KCNN2: variants seen among roughly 807,000 people sequenced by gnomAD.
The protein encoded by KCNN2 is potassium calcium-activated channel subfamily N member 2, also known as small conductance calcium-activated potassium channel protein 2.
Under a neutral mutation model 55.5 loss-of-function variants are expected in KCNN2, and 24 were observed. The ratio of observed to expected loss-of-function variants is 0.43; its 90% CI spans 0.31 to 0.61. The LOEUF is 0.61. KCNN2 is among the 20% of genes least tolerant of loss of function. The probability of loss-of-function intolerance (pLI) is 0.08; values close to 1 mark genes in which losing one functional copy is unlikely to be tolerated. For missense variants in KCNN2, 754 were observed against 853.6 expected (o/e 0.88, Z 1.45); for synonymous variants, 431 against 336.1 (o/e 1.28, Z -3.09).
intron 3 of KCNN2, among the ~76,000 whole-genome samples, chr5:114,413,501 T>C (rs1320712158): frequency 1.3e-5 from 2 of 152,190 alleles, no homozygotes; most frequent in African/African-American, 2.4e-5. Flanking sequence ...TTGGCCAGGC[T>C]GGTCTTGAAT....
intron 1 of KCNN2, among the ~76,000 whole-genome samples, chr5:114,070,311 C>T (rs1580482229): frequency 6.6e-6 from 1 of 152,350 alleles, no homozygotes; most frequent in South Asian, 2.1e-4. Context: ...CCTGCTGCTC[C>T]CCAGCATTCT....
rs562137620 is a variant in KCNN2 at position 114,233,910 on chromosome 5, T to C, written c.-185+12345T>C. On this transcript the variant is annotated intron_variant, in intron 2 of 10. Coordinates refer to the KCNN2 transcript ENST00000512097. The stretch of plus-strand genomic sequence containing the variant: ...ATTATTTTAGTTTTGTCCCATTCTT[T>C]TGAGTTCTGAGATGACACTTGAGCT... Among the ~76,000 whole-genome samples, 5 of 152,322 alleles carry C rather than the reference T, an allele frequency of 3.3e-5. 1 individual carries two copies. The highest frequency in any genetic ancestry group is 1.2e-4 in the African/African-American group (5 of 41,588).
chr5:114,400,655 C>G (rs1758759286), intron 2 of KCNN2, among the ~76,000 whole-genome samples: 1 of 152,190 alleles, frequency 6.6e-6, no homozygotes, highest in South Asian at 2.1e-4. Context: ...CATGCTGCCC[C>G]TTGATCATTA....
At chr5:114,180,221 T>C (rs1002642227) in intron 1 of KCNN2, among the ~76,000 whole-genome samples, 2 of 152,174 alleles carry the variant, frequency 1.3e-5, no homozygotes, top group African/African-American at 4.8e-5. Context: ...TTTTTTTTTC[T>C]TTGAATCTCA....
intron 1 of KCNN2, among the ~76,000 whole-genome samples, chr5:114,199,447 TC>T (rs1184444001): frequency 6.6e-6 from 1 of 152,150 alleles, no homozygotes; most frequent in African/African-American, 2.4e-5. Context: ...GAGGCTTTGT[TC>T]CTGTCATATT....
intron 2 of KCNN2, among the ~76,000 whole-genome samples, chr5:114,323,929 C>T (rs1352645048): frequency 6.6e-6 from 1 of 151,672 alleles, no homozygotes. Context: ...GCCACTGCAC[C>T]CAGCCTGTCA....
chr5:114,128,426 G>T (rs1419109006), intron 1 of KCNN2, among the ~76,000 whole-genome samples: 1 of 152,096 alleles, frequency 6.6e-6, no homozygotes, highest in South Asian at 2.1e-4. Flanking sequence ...GTGAGAACAG[G>T]CTGGGAGAAA....
intron 2 of KCNN2, among the ~76,000 whole-genome samples, chr5:114,240,976 TA>T (rs1335180682): frequency 6.6e-6 from 1 of 152,132 alleles, no homozygotes; most frequent in Non-Finnish European, 1.5e-5. Context: ...GAATTAAAAA[TA>T]TATAAAAATT....
intron 1 of KCNN2, among the ~76,000 whole-genome samples, chr5:114,092,183 C>G (rs1376076197): frequency 6.6e-6 from 1 of 152,200 alleles, no homozygotes; most frequent in Non-Finnish European, 1.5e-5. Flanking sequence ...GTAAATGCTC[C>G]TGTTTCAGAT....
At chr5:114,142,500 T>C (rs945197763) in intron 1 of KCNN2, among the ~76,000 whole-genome samples, 2 of 152,168 alleles carry the variant, frequency 1.3e-5, no homozygotes, top group Non-Finnish European at 2.9e-5. Flanking sequence ...CTCCTTAAGC[T>C]GATAATCAAC....
intron 2 of KCNN2, among the ~76,000 whole-genome samples, chr5:114,364,571 T>C (rs1416638620): frequency 6.6e-6 from 1 of 152,132 alleles, no homozygotes; most frequent in Non-Finnish European, 1.5e-5. Context: ...ATGAAGTATT[T>C]TTTAAAATGT....
intron 1 of KCNN2, among the ~76,000 whole-genome samples, chr5:114,070,549 A>G (rs1750547107): frequency 1.3e-5 from 2 of 152,264 alleles, no homozygotes; most frequent in Admixed American, 1.3e-4. Context: ...CCACCAGTGA[A>G]GTTGGTGAAC....
intron 3 of KCNN2, among the ~76,000 whole-genome samples, chr5:114,414,442 T>C (rs1163372591): frequency 6.6e-6 from 1 of 152,182 alleles, no homozygotes; most frequent in Non-Finnish European, 1.5e-5. Flanking sequence ...AGGGACTATG[T>C]GAACTGTTTC....
intron 1 of KCNN2, among the ~76,000 whole-genome samples, chr5:114,144,007 T>C (rs1752345129): frequency 6.6e-6 from 1 of 152,130 alleles, no homozygotes; most frequent in South Asian, 2.1e-4. Flanking sequence ...CATTGAATGG[T>C]GTTGAGATTA....
At chr5:114,131,192 A>G (rs1481412536) in intron 1 of KCNN2, among the ~76,000 whole-genome samples, 3 of 152,166 alleles carry the variant, frequency 2.0e-5, no homozygotes, top group Non-Finnish European at 2.9e-5. Context: ...ATAGGTAAAC[A>G]CATACCATGG....
Position 114,150,578 on chromosome 5 carries a change from G to T in KCNN2, c.-270-70902G>T, listed in dbSNP as rs543323674. Among the ~76,000 whole-genome samples, 5 of 152,244 alleles carry T rather than the reference G, an allele frequency of 3.3e-5. No homozygotes were observed. The East Asian group carries it at 7.7e-4, about 24-fold the overall frequency. ...TCTTACACAAAGCCTTTGGTCCACT[G>T]GCCAGGGGTCCTATATCTGGCCAAT... is the stretch of plus-strand genomic sequence containing the variant. On this transcript the variant is annotated intron_variant, in intron 1 of 10. Transcript: ENST00000512097.
chr5:114,203,718 G>T (rs964345036), intron 1 of KCNN2, among the ~76,000 whole-genome samples: 5 of 152,106 alleles, frequency 3.3e-5, no homozygotes, highest in Non-Finnish European at 7.3e-5. Flanking sequence ...TGCCTCAATG[G>T]CAGAGAAAAG....
At chr5:114,412,760 T>C (rs1759176240) in intron 3 of KCNN2, among the ~76,000 whole-genome samples, 1 of 152,246 alleles carries the variant, frequency 6.6e-6, no homozygotes, top group Admixed American at 6.5e-5. Flanking sequence ...GATGATTTAC[T>C]TAAATTTGAA....
At chr5:114,083,972 C>T (rs1750959034) in intron 1 of KCNN2, among the ~76,000 whole-genome samples, 1 of 152,028 alleles carries the variant, frequency 6.6e-6, no homozygotes, top group Admixed American at 6.6e-5. Flanking sequence ...TAGCAATATG[C>T]ATTTAAAATT....
Sources: allele counts gnomAD v4.1 joint callset (sites outside exome capture counted in the v4.1 genomes callset), GRCh38; gene constraint gnomAD v4.1.1; transcripts MANE v1.5; gene names NCBI Gene and HGNC (gene_info 2026-07-23, HGNC 2026-07-21).